Variants in EPHB2 observed in about 807,000 individuals in gnomAD.
EPHB2 encodes EPH receptor B2, also known as ephrin type-B receptor 2.
EPHB2 carries 18 observed loss-of-function variants against 96.4 expected under a neutral mutation model. That is an observed-to-expected ratio of 0.19 (90% confidence interval 0.13 to 0.28). EPHB2 has a LOEUF of 0.28. Ranked by LOEUF, EPHB2 falls within the 10% of genes least tolerant of loss-of-function variation. EPHB2 has a pLI of 1.00. For missense variants in EPHB2, 989 were observed against 1,355.4 expected (o/e 0.73, Z 4.25); for synonymous variants, 506 against 534.1 (o/e 0.95, Z 0.72).
chr1:22,723,241 C>T lies in EPHB2; in HGVS notation c.61+12198C>T, dbSNP rs1451165601. On this transcript the variant is annotated intron_variant, in intron 1 of 15. Coordinates refer to ENST00000374630, the MANE Select transcript of EPHB2 (RefSeq NM_017449.5). ...GCGTCCCGCCTGAATGGGGCTTCTC[C>T]GCCTCTCACGGGGAGGCAGAGCCTG... Among the ~76,000 whole-genome samples the T allele has an allele frequency of 2.0e-5, 3 of 152,376 alleles. No individual in the cohort carries two copies. In the East Asian group the frequency reaches 5.8e-4, roughly 29 times the overall value.
intron 5 of EPHB2, among the ~76,000 whole-genome samples, chr1:22,880,364 G>A (rs1638996696): frequency 6.6e-6 from 1 of 152,248 alleles, no homozygotes. Flanking sequence ...AGGACTTGGG[G>A]CTAGGAGAAG....
intron 3 of EPHB2, among the ~76,000 whole-genome samples, chr1:22,840,431 C>T (rs1296061574): frequency 6.6e-6 from 1 of 152,020 alleles, no homozygotes; most frequent in Non-Finnish European, 1.5e-5. Context: ...GGTGGTAAAA[C>T]CTTGGATGGA....
chr1:22,711,374 C>A (rs952728454), intron 1 of EPHB2, among the ~76,000 whole-genome samples: 1 of 148,930 alleles, frequency 6.7e-6, no homozygotes, highest in Admixed American at 6.7e-5. Context: ...CTCGCGCCGG[C>A]CTGGTCTTGC....
chr1:22,910,861 G>A (rs531420368), intron 14 of EPHB2, among the ~76,000 whole-genome samples: 1 of 152,348 alleles, frequency 6.6e-6, no homozygotes, highest in East Asian at 1.9e-4. Context: ...AGGAAGGCCG[G>A]GAGAGATGGC....
intron 3 of EPHB2, among the ~76,000 whole-genome samples, chr1:22,788,880 G>A (rs1353007775): frequency 6.6e-6 from 1 of 151,554 alleles, no homozygotes; most frequent in Admixed American, 6.6e-5. Flanking sequence ...TCAGCCTCCT[G>A]AGTAGCTGGG....
chr1:22,876,739 G>A (rs528168031), intron 5 of EPHB2, among the ~76,000 whole-genome samples: 1 of 152,312 alleles, frequency 6.6e-6, no homozygotes, highest in African/African-American at 2.4e-5. Context: ...GGCAGCAGGA[G>A]GGGTGGGAGA....
chr1:22,908,878 G>T, intron 12 of EPHB2, 144 bp from the exon 13 acceptor site: 1 of 1,298,222 alleles, frequency 7.7e-7, no homozygotes. Context: ...AATGCCCAGT[G>T]GTCTGAAGCT....
At chr1:22,734,136 G>A (rs1471887082) in intron 1 of EPHB2, among the ~76,000 whole-genome samples, 2 of 152,172 alleles carry the variant, frequency 1.3e-5, no homozygotes, top group Non-Finnish European at 2.9e-5. Context: ...GTCTCTATCA[G>A]GCCTCACTGT....
chr1:22,820,529 G>A (rs1645138692), intron 3 of EPHB2, among the ~76,000 whole-genome samples: 1 of 152,044 alleles, frequency 6.6e-6, no homozygotes, highest in African/African-American at 2.4e-5. Flanking sequence ...CGGGTGTGGT[G>A]GTGTGTGCCT....
intron 3 of EPHB2, among the ~76,000 whole-genome samples, chr1:22,835,539 A>C (rs1645368580): frequency 2.0e-5 from 3 of 152,258 alleles, no homozygotes; most frequent in African/African-American, 7.2e-5. Context: ...GCACGAGTAG[A>C]CATGCATGCA....
intron 3 of EPHB2, among the ~76,000 whole-genome samples, chr1:22,813,426 T>C (rs1056386417): frequency 6.6e-6 from 1 of 152,042 alleles, no homozygotes; most frequent in African/African-American, 2.4e-5. Context: ...GATCAGAGGC[T>C]GAGGGTGGGG....
At position 22,728,745 on chromosome 1, in the gene EPHB2, A is replaced by G. The variant is rs534281786; in HGVS notation, c.61+17702A>G. On this transcript the variant is annotated intron_variant, in intron 1 of 15. Coordinates refer to ENST00000374630, the MANE Select transcript of EPHB2 (RefSeq NM_017449.5). ...CTAAGGCCCGTTGTCCTGCCTGATC[A>G]TGACCCCCAATCCCGAAGGGAAAAG... Among the ~76,000 whole-genome samples the G allele has an allele frequency of 3.3e-5, 5 of 152,288 alleles. No individual in the cohort carries two copies. In the South Asian group the frequency reaches 1.0e-3, roughly 32 times the overall value.
chr1:22,887,922 G>A (rs553537501), intron 6 of EPHB2, among the ~76,000 whole-genome samples: 28 of 152,320 alleles, frequency 1.8e-4, no homozygotes, highest in Non-Finnish European at 3.2e-4. Context: ...CCAGTACCTG[G>A]AGTAGGATCT....
intron 3 of EPHB2, among the ~76,000 whole-genome samples, chr1:22,854,951 AGCCCT>A (rs1645677514): frequency 6.6e-6 from 1 of 152,198 alleles, no homozygotes; most frequent in Non-Finnish European, 1.5e-5. Context: ...CAGCAAGCCC[AGCCCT>A]GCCCTACACA....
At chr1:22,775,229 G>A in intron 1 of EPHB2, 1 of 779,830 alleles carries the variant, frequency 1.3e-6, no homozygotes, top group Non-Finnish European at 2.4e-6. Context: ...AGCCCTGCCT[G>A]TGTGCACTTA....
intron 12 of EPHB2, among the ~76,000 whole-genome samples, chr1:22,908,636 G>A (rs1437725745): frequency 6.6e-6 from 1 of 152,184 alleles, no homozygotes; most frequent in East Asian, 1.9e-4. Context: ...GGTTGTTGAA[G>A]GTTTAAACTG....
intron 2 of EPHB2, among the ~76,000 whole-genome samples, chr1:22,783,750 G>A (rs1044197566): frequency 1.3e-5 from 2 of 152,186 alleles, no homozygotes; most frequent in Non-Finnish European, 2.9e-5. Flanking sequence ...AGCCCAGACT[G>A]CCCCAGTGAG....
chr1:22,741,542 A>G (rs970380743), intron 1 of EPHB2, among the ~76,000 whole-genome samples: 18 of 152,084 alleles, frequency 1.2e-4, no homozygotes, highest in African/African-American at 4.1e-4. Flanking sequence ...GGCACATAGT[A>G]GGCACTTAAA....
chr1:22,789,821 C>T (rs959567256), intron 3 of EPHB2, among the ~76,000 whole-genome samples: 2 of 152,254 alleles, frequency 1.3e-5, no homozygotes, highest in East Asian at 3.9e-4. Flanking sequence ...CAAAAAGTGG[C>T]CGTGCTTCAG....
Sources: allele counts gnomAD v4.1 joint callset (sites outside exome capture counted in the v4.1 genomes callset), GRCh38; gene constraint gnomAD v4.1.1; transcripts MANE v1.5; gene names NCBI Gene and HGNC (gene_info 2026-07-23, HGNC 2026-07-21).